The following CRYZL1 variants were observed in gnomAD, a reference collection of about 807,000 sequenced individuals.
CRYZL1 encodes ferry endosomal RAB5 effector complex subunit 4.
In CRYZL1, 34 loss-of-function variants were observed where a neutral mutation model predicts 50.6. That is an observed-to-expected ratio of 0.67 (90% CI 0.51 to 0.89). CRYZL1 has a LOEUF of 0.89. CRYZL1 is among the 40% of genes least tolerant of loss of function. The probability of loss-of-function intolerance (pLI) is 0.00; values close to 1 mark genes in which losing one functional copy is unlikely to be tolerated. For synonymous variants in CRYZL1, 125 were observed against 134.3 expected, an observed-to-expected ratio of 0.93 and a Z score of 0.48; for missense variants, 354 against 402.3, an observed-to-expected ratio of 0.88 and a Z score of 1.03.
intron 6 of CRYZL1, among the ~76,000 whole-genome samples, chr21:33,609,259 C>T (rs554482725): frequency 4.6e-5 from 7 of 152,220 alleles, no homozygotes; most frequent in African/African-American, 1.4e-4. Context: ...ACATTTTCCC[C>T]CAGTCTGTAG....
At chr21:33,608,795 G>T (rs1424594836) in intron 6 of CRYZL1, among the ~76,000 whole-genome samples, 1 of 152,178 alleles carries the variant, frequency 6.6e-6, no homozygotes. Context: ...TCCACAACTT[G>T]GCTGTTGTGA....
chr21:33,623,136 T>C (rs980158535), intron 3 of CRYZL1, among the ~76,000 whole-genome samples: 12 of 152,048 alleles, frequency 7.9e-5, no homozygotes, highest in African/African-American at 2.9e-4. Context: ...CAGCTAATTT[T>C]TGTATTTTTA....
intron 6 of CRYZL1, among the ~76,000 whole-genome samples, chr21:33,606,462 C>A (rs917691477): frequency 6.6e-6 from 1 of 151,438 alleles, no homozygotes; most frequent in Non-Finnish European, 1.5e-5. Context: ...CCCGTCTCTA[C>A]TAAAAATACA....
intron 11 of CRYZL1, chr21:33,595,422 C>A (rs2086683848): frequency 7.4e-7 from 1 of 1,348,256 alleles, no homozygotes; most frequent in Admixed American, 2.2e-5. Context: ...TATCTTAGGG[C>A]TCATCTCTGT....
intron 1 of CRYZL1, among the ~76,000 whole-genome samples, chr21:33,637,142 A>G (rs972649441): frequency 2.7e-4 from 41 of 152,218 alleles, no homozygotes; most frequent in African/African-American, 9.4e-4. Context: ...TGTACTCTCT[A>G]GTCATCAAGA....
In CRYZL1 at chr21:33,630,235, T is replaced by C. The variant is rs557435879; in HGVS notation, c.66+1251A>G. ...AACTCTTATACACCACTGGTGGTCA[T>C]GTAAATTAGTATAGCCATTATGGAC... On this transcript the variant is annotated intron_variant, in intron 2 of 12. Transcript: ENST00000381554. Among the ~76,000 whole-genome samples, 21 of 152,292 alleles carry C rather than the reference T, an allele frequency of 1.4e-4. No individual in the cohort carries two copies. In the East Asian group the frequency reaches 4.0e-3, roughly 29 times the overall value.
intron 5 of CRYZL1, among the ~76,000 whole-genome samples, chr21:33,615,104 A>G (rs2086914029): frequency 6.6e-6 from 1 of 151,922 alleles, no homozygotes; most frequent in African/African-American, 2.4e-5. Flanking sequence ...CAAGCATGCT[A>G]TAATTTTAAC....
intron 2 of CRYZL1, among the ~76,000 whole-genome samples, chr21:33,627,985 T>A (rs1361563172): frequency 6.6e-6 from 1 of 152,176 alleles, no homozygotes; most frequent in Admixed American, 6.5e-5. Context: ...GACCTCATGA[T>A]CTGCCTGCCT....
Position 33,597,297 on chromosome 21 carries a change from T to C in CRYZL1, c.781A>G (p.Thr261Ala), listed in dbSNP as rs2086704435. Reference sequence around the variant, plus strand: ...GATAGTACCTGAAGGTTTTCTTCTGTTGTTACCCAGTGGCCTCCAACACCA... The same window carrying C: ...GATAGTACCTGAAGGTTTTCTTCTGCTGTTACCCAGTGGCCTCCAACACCA... ...LLGVGGHWVT[T>A]EENLQLDPPD... The change falls in exon 10 of 13, where the codon ACA becomes GCA. Residue 261 changes from threonine to alanine, a missense_variant. Physicochemically the swap from Thr to Ala is moderately conservative, Grantham distance 58. Coordinates refer to ENST00000381554, the MANE Select transcript of CRYZL1 (RefSeq NM_145858.3). 1 of 1,613,804 alleles carries C rather than the reference T, an allele frequency of 6.2e-7. No homozygotes were observed. Among genetic ancestry groups the C allele is most frequent in the African/African-American group, 1.3e-5 (1 of 74,924 alleles).
chr21:33,635,666 A>G (rs778924376), intron 1 of CRYZL1, among the ~76,000 whole-genome samples: 1 of 149,750 alleles, frequency 6.7e-6, no homozygotes, highest in Non-Finnish European at 1.5e-5. Context: ...AAAAGTATTA[A>G]ACATTTTATA....
chr21:33,624,806 T>G (rs1367438710), intron 2 of CRYZL1, 46 bp from the exon 3 acceptor site: 3 of 1,570,836 alleles, frequency 1.9e-6, no homozygotes, highest in Non-Finnish European at 2.6e-6. Context: ...TACACATTCC[T>G]ATGAGAATAT....
intron 3 of CRYZL1, among the ~76,000 whole-genome samples, chr21:33,623,223 C>T (rs920012753): frequency 3.9e-5 from 6 of 152,126 alleles, no homozygotes; most frequent in Admixed American, 1.3e-4. Flanking sequence ...CTCGGCCTCC[C>T]AAAGTGCTGG....
chr21:33,599,987 A>AAAT (rs1448494990), intron 8 of CRYZL1, among the ~76,000 whole-genome samples: 1 of 152,120 alleles, frequency 6.6e-6, no homozygotes, highest in Non-Finnish European at 1.5e-5. Flanking sequence ...AGAGCTAAAA[A>AAAT]ACATAAAAAT....
intron 11 of CRYZL1, among the ~76,000 whole-genome samples, chr21:33,593,388 G>A (rs1375624536): frequency 1.3e-5 from 2 of 152,192 alleles, no homozygotes. Context: ...TTACAGGCGT[G>A]AGCCACCACA....
intron 1 of CRYZL1, chr21:33,641,323 A>G: frequency 6.5e-7 from 1 of 1,540,632 alleles, no homozygotes; most frequent in South Asian, 1.2e-5. Context: ...GAAGTAACAG[A>G]GAAAGAAAAA....
rs1555904645 is a variant in CRYZL1 at position 33,605,527 on chromosome 21, A to ATTTTTTTTTTTTTTTTTTTTTTTT, written c.332-1991_332-1990insAAAAAAAAAAAAAAAAAAAAAAAA. Among the ~76,000 whole-genome samples, 17 of 14,840 alleles carry ATTTTTTTTTTTTTTTTTTTTTTTT rather than the reference A, an allele frequency of 1.1e-3. 1 individual carries two copies. Among genetic ancestry groups the ATTTTTTTTTTTTTTTTTTTTTTTT allele is most frequent in the African/African-American group, 4.5e-3 (11 of 2,446 alleles). 9.7% of individuals were successfully genotyped at this position (14,840 alleles called of 152,430 possible). Reference sequence around the variant, plus strand: ...GATGTAATTTTTCCGCAGTACAAGAATTCTTTTTTTTTTGAGATGGAGTCT... The same window carrying ATTTTTTTTTTTTTTTTTTTTTTTT: ...GATGTAATTTTTCCGCAGTACAAGAATTTTTTTTTTTTTTTTTTTTTTTTTTCTTTTTTTTTTGAGATGGAGTCT... On this transcript the variant is annotated intron_variant, in intron 6 of 12. Coordinates refer to ENST00000381554, the MANE Select transcript of CRYZL1 (RefSeq NM_145858.3).
chr21:33,634,259 A>G (rs2087175760), intron 1 of CRYZL1, among the ~76,000 whole-genome samples: 1 of 152,046 alleles, frequency 6.6e-6, no homozygotes, highest in Non-Finnish European at 1.5e-5. Context: ...CCTCCTTTGA[A>G]GGCTCTCTAA....
intron 4 of CRYZL1, among the ~76,000 whole-genome samples, chr21:33,618,028 GC>G (rs2086954142): frequency 6.6e-6 from 1 of 152,092 alleles, no homozygotes; most frequent in Admixed American, 6.5e-5. Context: ...GGTGGCTCAC[GC>G]CTGTAATCCC....
intron 8 of CRYZL1, among the ~76,000 whole-genome samples, chr21:33,600,629 CTT>C (rs141776549): frequency 8.6e-5 from 12 of 139,886 alleles, no homozygotes; most frequent in Admixed American, 1.4e-4. Context: ...ACCATTCATG[CTT>C]TTTTTTTTTT....
Sources: allele counts gnomAD v4.1 joint callset (sites outside exome capture counted in the v4.1 genomes callset), GRCh38; gene constraint gnomAD v4.1.1; transcripts MANE v1.5; gene names NCBI Gene and HGNC (gene_info 2026-07-23, HGNC 2026-07-21).